Variants in SLAMF6 observed in about 807,000 individuals in gnomAD.
SLAMF6 encodes the protein SLAM family member 6.
SLAMF6 carries 21 observed loss-of-function variants against 38.3 expected under a neutral mutation model. That is an observed-to-expected ratio of 0.55 (90% CI 0.39 to 0.79). The LOEUF (loss-of-function observed/expected upper bound fraction) is 0.79. Among genes scored for constraint, SLAMF6 ranks in the 30% least tolerant of loss-of-function variants. The probability of loss-of-function intolerance (pLI) is 0.00; values close to 1 mark genes in which losing one functional copy is unlikely to be tolerated. For missense variants in SLAMF6, 341 were observed against 385.3 expected, an observed-to-expected ratio of 0.89 and a Z score of 0.96; for synonymous variants, 152 against 146.3, an observed-to-expected ratio of 1.04 and a Z score of -0.28.
At chr1:160,522,572 T>C (rs1023672135) in intron 1 of SLAMF6, among the ~76,000 whole-genome samples, 3 of 152,174 alleles carry the variant, frequency 2.0e-5, no homozygotes, top group African/African-American at 4.8e-5. Flanking sequence ...CCATATATAA[T>C]GCATTGCTGG....
rs575175260 is a variant in SLAMF6, at chr1:160,507,605, A to G, written c.50-11212T>C. Among the ~76,000 whole-genome samples the G allele has an allele frequency of 6.6e-5, 10 of 152,286 alleles. No homozygotes were observed. In the South Asian group the frequency reaches 1.9e-3, roughly 28 times the overall value. ...AAATATACATTTTCCTCAAATGCAC[A>G]TAAGTCGTTCTCATAGGACAGACCA... On this transcript the variant is annotated intron_variant, in intron 1 of 7. Transcript: ENST00000368057.
At chr1:160,487,843 A>C (rs1653048574) in intron 6 of SLAMF6, among the ~76,000 whole-genome samples, 1 of 152,164 alleles carries the variant, frequency 6.6e-6, no homozygotes, top group African/African-American at 2.4e-5. Context: ...TAAACCCAAC[A>C]CTTTGGGAGG....
rs775185573 is a variant in SLAMF6 at position 160,491,404 on chromosome 1, A to G, written c.383-16T>C. 7 of 1,601,342 alleles carry G rather than the reference A, an allele frequency of 4.4e-6. No homozygotes were observed. Among genetic ancestry groups the G allele is most frequent in the Non-Finnish European group, 8.5e-7 (1 of 1,174,460 alleles). On this transcript the variant is annotated splice_polypyrimidine_tract_variant and intron_variant, in intron 2 of 7. Transcript: ENST00000368057. The stretch of plus-strand genomic sequence containing the variant: ...CTCAGTTGTCCTGTTTGCAGAAAAA[A>G]AAAAGATCCAGATTAAGGACAAATG...
In SLAMF6 at chr1:160,486,222, G is replaced by T. The variant is rs1652955582; in HGVS notation, c.*485C>A. ...AAAATCTGAAAAAAAATTGAAATCT[G>T]AAACATTTCTAATCCCAAGCATTTC... is the stretch of plus-strand genomic sequence containing the variant. On this transcript the variant is annotated 3_prime_UTR_variant, in exon 8 of 8. Transcript: ENST00000368057. 1 of 152,862 alleles carries T rather than the reference G, an allele frequency of 6.5e-6. No individual in the cohort carries two copies. The highest frequency in any genetic ancestry group is 1.9e-4 in the East Asian group (1 of 5,200). The allele number at this position is 152,862 out of a possible 1,614,324, so 9.5% of individuals were successfully genotyped here.
At chr1:160,490,438 G>C in intron 4 of SLAMF6, 137 bp downstream of exon 4, 1 of 1,315,586 alleles carries the variant, frequency 7.6e-7, no homozygotes, top group Non-Finnish European at 1.0e-6. Flanking sequence ...GATTATCTCA[G>C]TGGACTAGCT....
chr1:160,506,591 T>A (rs1654199826), intron 1 of SLAMF6, among the ~76,000 whole-genome samples: 1 of 152,152 alleles, frequency 6.6e-6, no homozygotes, highest in Admixed American at 6.6e-5. Flanking sequence ...AAACAAAGAA[T>A]GAAGGTAAAT....
chr1:160,488,090 CAAAAAA>C (rs1170761955), intron 6 of SLAMF6, among the ~76,000 whole-genome samples: 23 of 64,052 alleles, frequency 3.6e-4, no homozygotes, highest in Non-Finnish European at 5.0e-4. Context: ...CACTCTGTCT[CAAAAAA>C]AAAAAAAAAC....
chr1:160,516,240 C>T (rs1472019878), intron 1 of SLAMF6, among the ~76,000 whole-genome samples: 1 of 152,074 alleles, frequency 6.6e-6, no homozygotes, highest in East Asian at 1.9e-4. Flanking sequence ...CATGAATGAA[C>T]TCCCATTCAC....
At chr1:160,499,088 C>T (rs534537646) in intron 1 of SLAMF6, among the ~76,000 whole-genome samples, 7 of 152,192 alleles carry the variant, frequency 4.6e-5, no homozygotes, top group Middle Eastern at 3.4e-3. Flanking sequence ...TGTCAATTTT[C>T]GTTTTTGTTG....
chr1:160,490,726 G>T (rs550080711), intron 3 of SLAMF6, 41 bp from the exon 4 acceptor site: 20 of 1,604,520 alleles, frequency 1.2e-5, no homozygotes, highest in African/African-American at 6.7e-5. Context: ...GACACATCAA[G>T]TGAGGCCCAC....
chr1:160,517,101 A>G (rs529543817), intron 1 of SLAMF6, among the ~76,000 whole-genome samples: 14 of 152,226 alleles, frequency 9.2e-5, no homozygotes, highest in East Asian at 7.7e-4. Flanking sequence ...AAATTTTTGC[A>G]ATCTATTCAT....
At chr1:160,500,691 G>A (rs1256790814) in intron 1 of SLAMF6, among the ~76,000 whole-genome samples, 5 of 152,044 alleles carry the variant, frequency 3.3e-5, no homozygotes, top group Non-Finnish European at 7.4e-5. Flanking sequence ...ATTTTTGTCT[G>A]TTTTGTCTAC....
intron 1 of SLAMF6, among the ~76,000 whole-genome samples, chr1:160,521,918 C>CT (rs1306583470): frequency 2.0e-5 from 3 of 152,118 alleles, no homozygotes; most frequent in Non-Finnish European, 4.4e-5. Flanking sequence ...ACTTGTTTAT[C>CT]TTTTTTTACA....
intron 2 of SLAMF6, among the ~76,000 whole-genome samples, chr1:160,493,571 C>T (rs931250779): frequency 2.6e-5 from 4 of 152,146 alleles, no homozygotes; most frequent in African/African-American, 9.7e-5. Flanking sequence ...CTGATGTATT[C>T]CAGGTGCCTA....
chr1:160,514,229 C>G (rs1304822924), intron 1 of SLAMF6, among the ~76,000 whole-genome samples: 2 of 151,890 alleles, frequency 1.3e-5, no homozygotes, highest in Non-Finnish European at 1.5e-5. Context: ...TAGTTTCTGA[C>G]AAAATAGACT....
intron 2 of SLAMF6, among the ~76,000 whole-genome samples, chr1:160,492,305 G>A (rs1022801512): frequency 7.2e-5 from 11 of 152,196 alleles, no homozygotes; most frequent in African/African-American, 2.4e-4. Flanking sequence ...TTGAGTAGGA[G>A]TTGTGGAGTA....
chr1:160,486,637 T>C lies in SLAMF6; in HGVS notation c.*70A>G, dbSNP rs1356189236. On this transcript the variant is annotated 3_prime_UTR_variant, in exon 8 of 8. Transcript: ENST00000368057. ...CAGGAACAACAGGAACCAAGCTTCC[T>C]GTTCTTTGTTCTGTCTCATGGGATC... 1 of 1,474,990 alleles carries C rather than the reference T, an allele frequency of 6.8e-7. No homozygotes were observed. Among genetic ancestry groups the C allele is most frequent in the Non-Finnish European group, 9.5e-7 (1 of 1,055,840 alleles). The allele number at this position is 1,474,990 out of a possible 1,614,324, so 91.4% of individuals were successfully genotyped here.
chr1:160,486,902 G>T, intron 7 of SLAMF6, 148 bp from the exon 8 acceptor site: 2 of 1,028,898 alleles, frequency 1.9e-6, no homozygotes, highest in Non-Finnish European at 2.9e-6. Flanking sequence ...TTAAAAACAT[G>T]TAATTGAAAA....
intron 1 of SLAMF6, among the ~76,000 whole-genome samples, chr1:160,519,804 T>A (rs927095172): frequency 6.6e-6 from 1 of 151,280 alleles, no homozygotes. Context: ...GAGGGGAGAA[T>A]GGGAAATGAC....
Sources: allele counts gnomAD v4.1 joint callset (sites outside exome capture counted in the v4.1 genomes callset), GRCh38; gene constraint gnomAD v4.1.1; transcripts MANE v1.5; gene names NCBI Gene and HGNC (gene_info 2026-07-23, HGNC 2026-07-21).